Variants in SNRPD3 observed in about 807,000 individuals in gnomAD.
The protein encoded by SNRPD3 is small nuclear ribonucleoprotein Sm D3.
For synonymous variants in SNRPD3, 66 were observed against 58.4 expected (o/e 1.13, Z -0.59); for missense variants, 73 against 167.5 (o/e 0.44, Z 3.11).
chr22:24,568,788 C>T (rs1490603721), intron 3 of SNRPD3, among the ~76,000 whole-genome samples: 2 of 152,122 alleles, frequency 1.3e-5, no homozygotes, highest in African/African-American at 2.4e-5. Context: ...AACTCATGAC[C>T]TTGTGATCCA....
chr22:24,568,567 T>A (rs989552916), intron 3 of SNRPD3, among the ~76,000 whole-genome samples: 2 of 151,636 alleles, frequency 1.3e-5, no homozygotes, highest in African/African-American at 4.8e-5. Context: ...TTAATTTTTT[T>A]ATTTTTTTGA....
intron 2 of SNRPD3, 63 bp from the exon 3 acceptor site, chr22:24,567,921 C>G: frequency 3.0e-6 from 4 of 1,351,252 alleles, no homozygotes; most frequent in Non-Finnish European, 3.1e-6. Flanking sequence ...TCCCACCAGT[C>G]AAGGCCCTCC....
At chr22:24,557,468 T>C (rs925968474) in intron 1 of SNRPD3, among the ~76,000 whole-genome samples, 189 bp from the exon 2 acceptor site, 2 of 151,538 alleles carry the variant, frequency 1.3e-5, no homozygotes, top group African/African-American at 2.4e-5. Context: ...CCCCACATCT[T>C]GCACATATTT....
At chr22:24,569,926 T>C (rs1175084896) in intron 3 of SNRPD3, among the ~76,000 whole-genome samples, 5 of 152,256 alleles carry the variant, frequency 3.3e-5, no homozygotes, top group Non-Finnish European at 7.3e-5. Context: ...TGAGTTCTTG[T>C]TCACCTTCCT....
Position 24,556,077 on chromosome 22 carries a change from G to A in SNRPD3, c.-19+6G>A. ...AGAAAAGTAGGCCAGAGCCGGTGAG[G>A]CTGGGGACGGGCGAGGGGAGGTCGA... On this transcript the variant is annotated splice_donor_region_variant and intron_variant, in intron 1 of 3. Transcript: ENST00000215829. The A allele has an allele frequency of 1.7e-6, 1 of 592,568 alleles. No individual in the cohort carries two copies. Among genetic ancestry groups the A allele is most frequent in the Non-Finnish European group, 3.0e-6 (1 of 333,756 alleles). 36.7% of individuals were successfully genotyped at this position (592,568 alleles called of 1,614,324 possible). A position where few individuals can be genotyped will look rare whatever the true frequency, so the allele number is the denominator to read the frequency against.
chr22:24,560,601 C>T (rs987991305), intron 2 of SNRPD3, among the ~76,000 whole-genome samples: 6 of 147,606 alleles, frequency 4.1e-5, no homozygotes, highest in South Asian at 4.3e-4. Context: ...GCTAGTTTTT[C>T]GTATTTTTAG....
chr22:24,560,314 A>G (rs1169302717), intron 2 of SNRPD3, among the ~76,000 whole-genome samples: 1 of 150,528 alleles, frequency 6.6e-6, no homozygotes, highest in African/African-American at 2.4e-5. Flanking sequence ...TAGTAGAGAC[A>G]GGTTTCACCA....
At chr22:24,555,883 A>G, upstream of SNRPD3, 1 of 1,511,714 alleles carries the variant, frequency 6.6e-7, no homozygotes, top group Non-Finnish European at 8.9e-7. Context: ...CCCAGCCGGC[A>G]GGCGGAGTGA....
At chr22:24,556,671 T>C (rs1333896401) in intron 1 of SNRPD3, among the ~76,000 whole-genome samples, 1 of 152,234 alleles carries the variant, frequency 6.6e-6, no homozygotes, top group Admixed American at 6.5e-5. Context: ...TGTAAATAAA[T>C]GCTGCTATCT....
rs971970797 is a variant in SNRPD3 at position 24,573,577 on chromosome 22, T to C, written c.*1600T>C. On this transcript the variant is annotated 3_prime_UTR_variant, in exon 4 of 4. Coordinates refer to ENST00000215829, the MANE Select transcript of SNRPD3 (RefSeq NM_004175.5). ...TGAGTTGGTCAGATACAATAGACGT[T>C]TAAAATAGGGCTTCAGGCCAAACAT... 2.6e-5 allele frequency among the ~76,000 whole-genome samples: 4 copies of C among 152,098 alleles called. No homozygotes were observed. Among genetic ancestry groups the C allele is most frequent in the Admixed American group, 1.3e-4 (2 of 15,272 alleles).
In SNRPD3 at chr22:24,572,074, A is replaced by G. The variant is rs765355854; in HGVS notation, c.*97A>G. ...GCATATATGCTAGGTATCTTTTGCC[A>G]TCTTTCTCTTTAGATCAGGGGAAAT... On this transcript the variant is annotated 3_prime_UTR_variant, in exon 4 of 4. Transcript: ENST00000215829. 4.5e-6 allele frequency: 7 copies of G among 1,572,174 alleles called. No individual in the cohort carries two copies. In the Admixed American group the frequency reaches 9.3e-5, roughly 21 times the overall value.
At chr22:24,561,581 T>C (rs986001584) in intron 2 of SNRPD3, among the ~76,000 whole-genome samples, 1 of 152,216 alleles carries the variant, frequency 6.6e-6, no homozygotes, top group African/African-American at 2.4e-5. Context: ...GAGCACAGTT[T>C]AGTTTGTTCA....
chr22:24,559,051 T>G (rs1438018021), intron 2 of SNRPD3, among the ~76,000 whole-genome samples: 1 of 152,214 alleles, frequency 6.6e-6, no homozygotes. Context: ...AGCTGCTCAG[T>G]GCCTCACATA....
intron 2 of SNRPD3, among the ~76,000 whole-genome samples, chr22:24,559,855 T>C (rs987882132): frequency 6.6e-6 from 1 of 152,116 alleles, no homozygotes; most frequent in African/African-American, 2.4e-5. Flanking sequence ...CTCATAGTTC[T>C]GAAGGCTGGA....
chr22:24,565,394 C>T (rs1352970695), intron 2 of SNRPD3, among the ~76,000 whole-genome samples: 1 of 152,148 alleles, frequency 6.6e-6, no homozygotes, highest in Non-Finnish European at 1.5e-5. Context: ...TGTGGGGTAA[C>T]ATGAGCTGCC....
chr22:24,561,912 C>T (rs539833001), intron 2 of SNRPD3, among the ~76,000 whole-genome samples: 43 of 152,100 alleles, frequency 2.8e-4, no homozygotes, highest in African/African-American at 9.4e-4. Flanking sequence ...TGAGTTGGGA[C>T]GATTACTTGA....
chr22:24,555,854 C>T (rs755794985), upstream of SNRPD3: 1 of 1,534,006 alleles, frequency 6.5e-7, no homozygotes, highest in Admixed American at 2.0e-5. Flanking sequence ...CCGGAACTAT[C>T]GTACTGGTGC....
At chr22:24,567,242 C>T (rs2045204762) in intron 2 of SNRPD3, among the ~76,000 whole-genome samples, 1 of 152,292 alleles carries the variant, frequency 6.6e-6, no homozygotes, top group East Asian at 1.9e-4. Flanking sequence ...ATCTGAGTGC[C>T]AGGCAGTGCA....
At chr22:24,567,173 A>C (rs2045204132) in intron 2 of SNRPD3, among the ~76,000 whole-genome samples, 1 of 152,026 alleles carries the variant, frequency 6.6e-6, no homozygotes. Context: ...TAGAGTATGC[A>C]CTCTGGAGGG....
Sources: allele counts gnomAD v4.1 joint callset (sites outside exome capture counted in the v4.1 genomes callset), GRCh38; gene constraint gnomAD v4.1.1; transcripts MANE v1.5; gene names NCBI Gene and HGNC (gene_info 2026-07-23, HGNC 2026-07-21).